CENPF: variants seen among roughly 807,000 people sequenced by gnomAD.
CENPF encodes centromere protein F.
A neutral mutation model predicts 307.3 loss-of-function variants in CENPF; 214 were observed. The observed-to-expected ratio is 0.70, with a 90% CI of 0.62 to 0.78. The LOEUF is 0.78. CENPF is among the 30% of genes least tolerant of loss of function. The pLI is 0.00. For missense variants in CENPF, 3,401 were observed against 3,483.9 expected (o/e 0.98, Z 0.60); for synonymous variants, 1,259 against 1,270.6 (o/e 0.99, Z 0.19).
In CENPF at chr1:214,620,782, G is replaced by T; in HGVS notation, c.701G>T (p.Arg234Ile). The change falls in exon 6 of 20, where the codon AGA becomes ATA. Residue 234 changes from arginine to isoleucine, a missense_variant. By Grantham distance (97) the Arg-to-Ile change is moderately conservative. Transcript: ENST00000366955. The part of the protein sequence containing the change: ...TPSHLSSNSQ[R>I]TPIRRDFSAS... Reference sequence around the variant, plus strand: ...AGTCATCTTTCATCTAATTCTCAAAGAACTCCAATTAGGAGAGATTTCTCT... The same window carrying T: ...AGTCATCTTTCATCTAATTCTCAAATAACTCCAATTAGGAGAGATTTCTCT... The T allele has an allele frequency of 6.2e-7, 1 of 1,614,154 alleles. No individual in the cohort carries two copies. The highest frequency in any genetic ancestry group is 1.6e-4 in the Middle Eastern group (1 of 6,062).
chr1:214,638,236 A>G (rs1326358162), intron 11 of CENPF, among the ~76,000 whole-genome samples: 1 of 152,140 alleles, frequency 6.6e-6, no homozygotes, highest in Admixed American at 6.5e-5. Flanking sequence ...GATGCTCAGC[A>G]CTTTGAAATC....
chr1:214,625,396 T>G (rs1222937658), intron 7 of CENPF, among the ~76,000 whole-genome samples: 2 of 152,060 alleles, frequency 1.3e-5, no homozygotes, highest in Non-Finnish European at 2.9e-5. Flanking sequence ...AATTTTTGTA[T>G]TTTTAGTAGA....
At chr1:214,616,891 TTCTTTC>T (rs1657365678) in intron 3 of CENPF, among the ~76,000 whole-genome samples, 1 of 119,470 alleles carries the variant, frequency 8.4e-6, no homozygotes, top group Non-Finnish European at 1.7e-5. Context: ...CTTTCTTTCT[TTCTTTC>T]TTTCTTTCTT....
Position 214,620,847 on chromosome 1 carries a change from C to G in CENPF, c.766C>G (p.Arg256Gly), listed in dbSNP as rs377444877. 6.2e-7 allele frequency: 1 copy of G among 1,614,132 alleles called. No individual in the cohort carries two copies. The highest frequency in any genetic ancestry group is 8.5e-7 in the Non-Finnish European group (1 of 1,180,008). The part of the protein sequence containing the change: ...FSGEQEVTPS[R>G]STLQIGKRDA... The stretch of plus-strand genomic sequence containing the variant: ...TGGGGAACAAGAGGTGACTCCAAGT[C>G]GATCAACTTTGCAAATAGGGAAAAG... The change falls in exon 6 of 20, where the codon CGA (arginine) becomes GGA (glycine). Residue 256 changes from arginine (R) to glycine (G), a missense_variant. Coordinates refer to ENST00000366955, the MANE Select transcript of CENPF (RefSeq NM_016343.4).
chr1:214,647,415 CTGTTTA>C lies in CENPF; in HGVS notation c.7830+22_7830+27del, dbSNP rs764746977. 395 of 1,589,232 alleles carry C rather than the reference CTGTTTA, an allele frequency of 2.5e-4. 3 individuals carry two copies. Among genetic ancestry groups the C allele is most frequent in the South Asian group, 1.9e-3 (170 of 87,182 alleles). On this transcript the variant is annotated intron_variant, in intron 13 of 19. Coordinates refer to ENST00000366955, the MANE Select transcript of CENPF (RefSeq NM_016343.4). The stretch of plus-strand genomic sequence containing the variant: ...TTGTTGAAAAAGTAAGTGGCTATAT[CTGTTTA>C]TGTTTAAATATGTAGTCATGAGGCA...
At chr1:214,647,762 T>C (rs968964427) in intron 13 of CENPF, among the ~76,000 whole-genome samples, 4 of 152,216 alleles carry the variant, frequency 2.6e-5, no homozygotes, top group African/African-American at 9.6e-5. Flanking sequence ...CTCACTGCTA[T>C]AGAGAGTATA....
At chr1:214,605,456 TA>T (rs1558165796) in intron 1 of CENPF, 28 of 516,656 alleles carry the variant, frequency 5.4e-5, no homozygotes, top group African/African-American at 1.7e-4. Context: ...TTTTTTTTTT[TA>T]AATTTTAAAT....
Position 214,645,205 on chromosome 1 carries a change from C to G in CENPF, c.5635C>G (p.Arg1879Gly). ...DLEMHADKSSREDIGDNVAKV... is the reference protein window; with the variant it reads ...DLEMHADKSSGEDIGDNVAKV... The stretch of plus-strand genomic sequence containing the variant: ...AGAAATGCATGCAGATAAATCATCA[C>G]GTGAAGATATTGGAGATAATGTGGC... Residue 1879 changes from arginine (R) to glycine (G), a missense_variant, in exon 13 of 20, where the codon CGT becomes GGT. By Grantham distance (125) the Arg-to-Gly change is moderately radical. Coordinates refer to ENST00000366955, the MANE Select transcript of CENPF (RefSeq NM_016343.4). 1 of 1,613,906 alleles carries G rather than the reference C, an allele frequency of 6.2e-7. No homozygotes were observed. Among genetic ancestry groups the G allele is most frequent in the Non-Finnish European group, 8.5e-7 (1 of 1,179,986 alleles).
chr1:214,663,415 C>T (rs1658834776), intron 19 of CENPF, among the ~76,000 whole-genome samples, 176 bp from the exon 20 acceptor site: 1 of 152,144 alleles, frequency 6.6e-6, no homozygotes, highest in Admixed American at 6.5e-5. Flanking sequence ...TACCTGGTAT[C>T]CTCCTAAGTT....
At chr1:214,651,946 C>CTTTT in intron 15 of CENPF, 60 bp downstream of exon 15, 19 of 1,167,412 alleles carry the variant, frequency 1.6e-5, no homozygotes, top group Admixed American at 3.2e-5. Flanking sequence ...CATGGTAAGG[C>CTTTT]TTTTTTTTTT....
intron 5 of CENPF, 136 bp from the exon 6 acceptor site, chr1:214,620,519 C>T: frequency 2.3e-6 from 2 of 866,810 alleles, no homozygotes; most frequent in Non-Finnish European, 3.6e-6. Flanking sequence ...GTTTACTTGA[C>T]TTGATGAATG....
At chr1:214,644,415 G>A in intron 12 of CENPF, 142 bp from the exon 13 acceptor site, 1 of 740,542 alleles carries the variant, frequency 1.4e-6, no homozygotes, top group Non-Finnish European at 2.1e-6. Context: ...AAGAGAGAAA[G>A]ATGTAGTGGG....
At chr1:214,627,486 G>A (rs1209767001) in intron 7 of CENPF, among the ~76,000 whole-genome samples, 5 of 145,466 alleles carry the variant, frequency 3.4e-5, no homozygotes, top group Non-Finnish European at 7.4e-5. Flanking sequence ...TGATTCTCCT[G>A]TCTCAGCCTC....
In CENPF at chr1:214,646,147, G is replaced by T; in HGVS notation, c.6577G>T (p.Glu2193Ter). Reference protein sequence around the residue: ...EVETLKTQIEEMARSLKVFEL... With the variant: ...EVETLKTQIE ...AGAGACTCTAAAAACACAAATAGAA[G>T]AGATGGCCAGAAGCCTGAAAGTTTT... Residue 2193 changes from glutamate (E) to a stop codon, truncating the protein, a stop_gained, in exon 13 of 20, where the codon GAG becomes TAG. Transcript: ENST00000366955. LOFTEE classifies it high-confidence loss of function. 1.2e-6 allele frequency: 2 copies of T among 1,613,956 alleles called. No homozygotes were observed. Among genetic ancestry groups the T allele is most frequent in the Non-Finnish European group, 1.7e-6 (2 of 1,179,988 alleles).
chr1:214,658,803 A>G (rs754861758), intron 18 of CENPF, 47 bp from the exon 19 acceptor site: 18 of 1,571,814 alleles, frequency 1.1e-5, no homozygotes, highest in Non-Finnish European at 1.6e-5. Context: ...TCCACTGTAG[A>G]TAGAATTGGA....
At chr1:214,609,895 G>C (rs1657153755) in intron 1 of CENPF, among the ~76,000 whole-genome samples, 1 of 152,016 alleles carries the variant, frequency 6.6e-6, no homozygotes, top group Non-Finnish European at 1.5e-5. Flanking sequence ...TGGCTGCATA[G>C]TATTCCATGG....
chr1:214,649,589 G>C (rs532288689), intron 14 of CENPF, among the ~76,000 whole-genome samples: 28 of 152,270 alleles, frequency 1.8e-4, no homozygotes, highest in African/African-American at 6.7e-4. Context: ...TAAAGAGTTG[G>C]AGAGATTTGT....
In CENPF at chr1:214,656,928, G is replaced by A. The variant is rs1442740693; in HGVS notation, c.8486-5G>A. On this transcript the variant is annotated splice_region_variant and splice_polypyrimidine_tract_variant and intron_variant, in intron 17 of 19. Transcript: ENST00000366955. Reference sequence around the variant, plus strand: ...GCACATGATGTGTTGCTTTACTTTGGACAGGTACTGTTATGGATACCAAGG... The same window carrying A: ...GCACATGATGTGTTGCTTTACTTTGAACAGGTACTGTTATGGATACCAAGG... 1.3e-6 allele frequency: 2 copies of A among 1,578,042 alleles called. No homozygotes were observed. Among genetic ancestry groups the A allele is most frequent in the Non-Finnish European group, 1.7e-6 (2 of 1,162,102 alleles).
At chr1:214,626,001 A>G (rs922850374) in intron 7 of CENPF, among the ~76,000 whole-genome samples, 2 of 152,182 alleles carry the variant, frequency 1.3e-5, no homozygotes, top group African/African-American at 2.4e-5. Context: ...GTGTATGTTT[A>G]TATATACGTG....
Sources: gnomAD v4.1 joint callset for allele counts (sites outside exome capture counted in the v4.1 genomes callset) on GRCh38, gnomAD v4.1.1 for gene constraint, MANE v1.5 for transcripts, NCBI Gene and HGNC (gene_info 2026-07-23, HGNC 2026-07-21) for gene names.